The following RBFOX1 variants were observed in gnomAD, a reference collection of about 807,000 sequenced individuals.
RBFOX1 encodes RNA binding protein fox-1 homolog 1.
Under a neutral mutation model 57.7 loss-of-function variants are expected in RBFOX1, and 8 were observed. The ratio of observed to expected loss-of-function variants is 0.14; its 90% CI spans 0.08 to 0.25. The LOEUF (loss-of-function observed/expected upper bound fraction) is 0.25. Ranked by LOEUF, RBFOX1 falls within the 10% of genes least tolerant of loss-of-function variation. The pLI, the probability that RBFOX1 is intolerant of heterozygous loss-of-function variation, is 1.00. For synonymous variants in RBFOX1, 326 were observed against 222.4 expected (o/e 1.47, Z -4.15); for missense variants, 611 against 548.5 (o/e 1.11, Z -1.14).
intron 12 of RBFOX1, among the ~76,000 whole-genome samples, 169 bp downstream of exon 12, chr16:7,654,116 G>A (rs1430935427): frequency 6.6e-5 from 10 of 152,298 alleles, no homozygotes; most frequent in Non-Finnish European, 1.0e-4. Context: ...CTTGCTAAGA[G>A]TATTGAAAAA....
In RBFOX1 at chr16:6,559,111, ATGTGTG is replaced by A. The variant is rs34909448; in HGVS notation, c.-63-95474_-63-95469del. On this transcript the variant is annotated intron_variant, in intron 2 of 15. Coordinates refer to ENST00000550418, the MANE Select transcript of RBFOX1 (RefSeq NM_018723.4). ...CTTTTCCTCCAGTTTATATATACATATGTGTGTGTGTGTGTGTGTGTGTATATACAT... is the reference window on the plus strand; with the variant it reads ...CTTTTCCTCCAGTTTATATATACATATGTGTGTGTGTGTGTGTATATACAT... 9.2e-3 allele frequency among the ~76,000 whole-genome samples: 1,384 copies of A among 149,906 alleles called. 12 individuals are homozygous for A. Among genetic ancestry groups the A allele is most frequent in the Non-Finnish European group, 0.014 (935 of 67,466 alleles).
At chr16:7,144,898 C>T (rs1288293496) in intron 4 of RBFOX1, among the ~76,000 whole-genome samples, 2 of 152,088 alleles carry the variant, frequency 1.3e-5, no homozygotes, top group African/African-American at 4.8e-5. Context: ...TCTCCAGCAG[C>T]CCAGTGTCTC....
chr16:7,207,032 G>A (rs1409587558), intron 4 of RBFOX1, among the ~76,000 whole-genome samples: 1 of 152,046 alleles, frequency 6.6e-6, no homozygotes, highest in Non-Finnish European at 1.5e-5. Context: ...GCTTCATCCT[G>A]GCAACTTCAA....
chr16:7,087,128 G>C (rs772666065), intron 4 of RBFOX1, among the ~76,000 whole-genome samples: 11 of 152,168 alleles, frequency 7.2e-5, no homozygotes, highest in Non-Finnish European at 1.2e-4. Flanking sequence ...ACTGGATGCT[G>C]CTTTTATCTG....
intron 1 of RBFOX1, among the ~76,000 whole-genome samples, chr16:5,310,254 T>G (rs537371261): frequency 6.6e-6 from 1 of 152,020 alleles, no homozygotes; most frequent in African/African-American, 2.4e-5. Context: ...ATACAAAAAT[T>G]AGCTGGGCAT....
intron 4 of RBFOX1, among the ~76,000 whole-genome samples, chr16:7,109,729 G>T (rs573284661): frequency 1.1e-4 from 16 of 152,052 alleles, no homozygotes; most frequent in African/African-American, 3.9e-4. Context: ...AAAGAAGAGG[G>T]GTCATTCCAG....
intron 3 of RBFOX1, among the ~76,000 whole-genome samples, chr16:5,823,787 G>A (rs1397122290): frequency 6.6e-6 from 1 of 152,160 alleles, no homozygotes; most frequent in Non-Finnish European, 1.5e-5. Flanking sequence ...CCCCAGATGG[G>A]ACTGTCTAAT....
chr16:6,803,088 C>T (rs970206636), intron 3 of RBFOX1, among the ~76,000 whole-genome samples: 1 of 152,140 alleles, frequency 6.6e-6, no homozygotes. Context: ...TTAATTTCCC[C>T]ATCACCCACT....
At chr16:6,819,267 A>C (rs1344602345) in intron 3 of RBFOX1, among the ~76,000 whole-genome samples, 2 of 152,330 alleles carry the variant, frequency 1.3e-5, no homozygotes, top group South Asian at 2.1e-4. Flanking sequence ...TGTGTCTCCC[A>C]GTGGAAATGG....
chr16:7,304,354 C>G (rs981429336), intron 4 of RBFOX1: 4 of 985,334 alleles, frequency 4.1e-6, no homozygotes, highest in Non-Finnish European at 4.8e-6. Flanking sequence ...TCAAGCGTCC[C>G]CACTCGGGCT....
chr16:6,483,421 G>C (rs1437815538), intron 2 of RBFOX1: 5 of 1,535,314 alleles, frequency 3.3e-6, no homozygotes, highest in Admixed American at 3.9e-5. Context: ...TAGCACGTGG[G>C]TGCCGTTTGC....
At chr16:6,169,048 T>C (rs2096939092) in intron 1 of RBFOX1, among the ~76,000 whole-genome samples, 1 of 152,192 alleles carries the variant, frequency 6.6e-6, no homozygotes, top group Non-Finnish European at 1.5e-5. Context: ...GAGCGTCATA[T>C]AAACCATGTT....
chr16:6,270,967 C>T (rs2075141972), intron 1 of RBFOX1, among the ~76,000 whole-genome samples: 2 of 152,042 alleles, frequency 1.3e-5, no homozygotes, highest in African/African-American at 2.4e-5. Flanking sequence ...GAAGGAGTCT[C>T]CAGGAAAATA....
intron 1 of RBFOX1, among the ~76,000 whole-genome samples, chr16:6,131,165 G>A (rs1311913308): frequency 1.3e-5 from 2 of 152,130 alleles, no homozygotes; most frequent in East Asian, 3.9e-4. Flanking sequence ...GACTAGGAAG[G>A]GGCACCAGAG....
chr16:6,665,836 C>A (rs1020263585), intron 3 of RBFOX1, among the ~76,000 whole-genome samples: 38 of 152,026 alleles, frequency 2.5e-4, no homozygotes, highest in Non-Finnish European at 4.4e-4. Context: ...ATATTTATCC[C>A]CATGTTACAG....
At chr16:7,000,226 A>C (rs544766207) in intron 3 of RBFOX1, among the ~76,000 whole-genome samples, 1 of 152,314 alleles carries the variant, frequency 6.6e-6, no homozygotes, top group East Asian at 1.9e-4. Flanking sequence ...ATAATCTGTT[A>C]ATATAAGCAA....
intron 2 of RBFOX1, among the ~76,000 whole-genome samples, chr16:6,514,208 T>C (rs1282715072): frequency 6.6e-6 from 1 of 152,190 alleles, no homozygotes. Context: ...CCTTTGGGGA[T>C]GCTCTCTGCT....
chr16:7,242,819 A>T (rs2094131664), intron 4 of RBFOX1, among the ~76,000 whole-genome samples: 1 of 152,126 alleles, frequency 6.6e-6, no homozygotes, highest in African/African-American at 2.4e-5. Flanking sequence ...GTTGATTCAG[A>T]CCCGACTGAC....
chr16:6,637,425 A>ATG (rs2098452964), intron 2 of RBFOX1, among the ~76,000 whole-genome samples: 2 of 10,092 alleles, frequency 2.0e-4, no homozygotes, highest in South Asian at 0.083. Context: ...TAATATATAA[A>ATG]TATATTATAT....
Sources: gnomAD v4.1 joint callset for allele counts (sites outside exome capture counted in the v4.1 genomes callset) on GRCh38, gnomAD v4.1.1 for gene constraint, MANE v1.5 for transcripts, NCBI Gene and HGNC (gene_info 2026-07-23, HGNC 2026-07-21) for gene names.